Variants in NFU1 observed in about 807,000 individuals in gnomAD.
The protein encoded by NFU1 is NFU1 iron-sulfur cluster scaffold homolog, mitochondrial.
Under a neutral mutation model 32.2 loss-of-function variants are expected in NFU1, and 30 were observed. That is an observed-to-expected ratio of 0.93 (90% CI 0.70 to 1.26). NFU1 has a LOEUF of 1.26. Ranked by LOEUF, NFU1 falls within the 50% of genes most tolerant of loss-of-function variation. The pLI, the probability that NFU1 is intolerant of heterozygous loss-of-function variation, is 0.00. For synonymous variants in NFU1, 112 were observed against 104.6 expected (o/e 1.07, Z -0.43); for missense variants, 306 against 306.6 (o/e 1.00, Z 0.02).
intron 6 of NFU1, among the ~76,000 whole-genome samples, chr2:69,401,067 G>A (rs188154476): frequency 1.3e-5 from 2 of 152,210 alleles, no homozygotes; most frequent in East Asian, 3.9e-4. Flanking sequence ...GAAGGAAAAG[G>A]GAGACTGTCA....
upstream of NFU1, chr2:69,437,557 G>A (rs1673897969): frequency 9.2e-7 from 1 of 1,087,812 alleles, no homozygotes; most frequent in African/African-American, 1.6e-5. Flanking sequence ...GCGGATAAGT[G>A]CGGTGGCCTA....
intron 5 of NFU1, among the ~76,000 whole-genome samples, chr2:69,413,620 G>A (rs1201482306): frequency 2.0e-5 from 3 of 152,042 alleles, no homozygotes; most frequent in Admixed American, 6.6e-5. Context: ...CTAGCTGGGC[G>A]TGGTGGTGCA....
chr2:69,437,523 C>T, upstream of NFU1: 1 of 1,443,538 alleles, frequency 6.9e-7, no homozygotes, highest in Non-Finnish European at 9.5e-7. Context: ...AGAGCCCACC[C>T]TACCGGCTGC....
chr2:69,406,931 G>A (rs1040560199), intron 5 of NFU1, among the ~76,000 whole-genome samples: 4 of 152,070 alleles, frequency 2.6e-5, no homozygotes, highest in African/African-American at 7.2e-5. Flanking sequence ...GAGTTCTCAC[G>A]AGATCTGATC....
At chr2:69,426,033 C>T (rs967280836) in intron 2 of NFU1, among the ~76,000 whole-genome samples, 1 of 152,196 alleles carries the variant, frequency 6.6e-6, no homozygotes, top group African/African-American at 2.4e-5. Flanking sequence ...AGTGCAGTGG[C>T]ACAATCTTGG....
intron 6 of NFU1, among the ~76,000 whole-genome samples, chr2:69,404,545 A>G (rs964543512): frequency 7.3e-5 from 11 of 150,566 alleles, no homozygotes; most frequent in African/African-American, 2.4e-4. Context: ...ATTAACATAT[A>G]CTAACATATA....
intron 6 of NFU1, among the ~76,000 whole-genome samples, chr2:69,402,912 A>G (rs564381829): frequency 2.9e-4 from 42 of 145,112 alleles, no homozygotes; most frequent in African/African-American, 6.0e-4. Flanking sequence ...CCCGTTGGGG[A>G]AAAAAAAAAA....
chr2:69,429,376 C>T (rs966425624), intron 2 of NFU1, among the ~76,000 whole-genome samples: 4 of 151,770 alleles, frequency 2.6e-5, no homozygotes, highest in African/African-American at 9.7e-5. Context: ...CCAGCCTGGG[C>T]AACAGAGATC....
chr2:69,435,417 G>A (rs1462072023), intron 1 of NFU1, among the ~76,000 whole-genome samples: 1 of 152,218 alleles, frequency 6.6e-6, no homozygotes, highest in African/African-American at 2.4e-5. Flanking sequence ...AGCAACAGCG[G>A]CTGCCACATT....
At chr2:69,418,385 TGA>T (rs1211668364) in intron 4 of NFU1, among the ~76,000 whole-genome samples, 4 of 152,108 alleles carry the variant, frequency 2.6e-5, no homozygotes, top group African/African-American at 9.7e-5. Context: ...GGGTGTGGAG[TGA>T]GACTTTGTCT....
chr2:69,416,273 AATTC>A (rs1245297234), intron 4 of NFU1: 1 of 148,904 alleles, frequency 6.7e-6, no homozygotes, highest in East Asian at 1.9e-4. Context: ...CCCATTCATT[AATTC>A]ATTCACTTAT....
downstream of NFU1, chr2:69,396,014 GA>G (rs1672320276): frequency 1.3e-5 from 6 of 458,312 alleles, no homozygotes; most frequent in Admixed American, 7.7e-5. Context: ...AGAGCCATGG[GA>G]AATGAGGGAC....
At chr2:69,399,380 C>T (rs575854563) in intron 7 of NFU1, 2 of 455,746 alleles carry the variant, frequency 4.4e-6, no homozygotes, top group East Asian at 7.0e-5. Flanking sequence ...CTGTGTTATA[C>T]TCCTTAGGTA....
At chr2:69,421,882 C>A (rs1421964608) in intron 3 of NFU1, among the ~76,000 whole-genome samples, 2 of 152,062 alleles carry the variant, frequency 1.3e-5, no homozygotes, top group Non-Finnish European at 2.9e-5. Flanking sequence ...TCATCTCTAA[C>A]ATACAGTAGT....
intron 5 of NFU1, 56 bp downstream of exon 5, chr2:69,415,129 A>C (rs1175455567): frequency 1.1e-6 from 1 of 919,574 alleles, no homozygotes; most frequent in African/African-American, 1.6e-5. Flanking sequence ...AAATGTGAAG[A>C]AAATAGAAAA....
chr2:69,404,615 A>AT (rs534309730), intron 6 of NFU1, among the ~76,000 whole-genome samples: 1,702 of 72,952 alleles, frequency 0.023, 237 homozygotes, highest in African/African-American at 0.073. Context: ...ATCTTAGCAA[A>AT]TTTTTTTTTT....
intron 6 of NFU1, among the ~76,000 whole-genome samples, chr2:69,404,603 C>T (rs1672633608): frequency 1.1e-5 from 1 of 91,446 alleles, no homozygotes; most frequent in South Asian, 3.7e-4. Flanking sequence ...TTAATAACTA[C>T]TATCTTAGCA....
At chr2:69,405,988 G>C (rs760599922) in intron 6 of NFU1, 34 bp downstream of exon 6, 5 of 1,379,728 alleles carry the variant, frequency 3.6e-6, no homozygotes, top group Non-Finnish European at 5.2e-6. Flanking sequence ...TGCCTCCAAA[G>C]CACTTGAATT....
At chr2:69,402,269 T>C (rs924995768) in intron 6 of NFU1, among the ~76,000 whole-genome samples, 2 of 152,194 alleles carry the variant, frequency 1.3e-5, no homozygotes, top group Non-Finnish European at 2.9e-5. Flanking sequence ...GTACAAGTTA[T>C]TTATGTATTG....
Sources: allele counts gnomAD v4.1 joint callset (sites outside exome capture counted in the v4.1 genomes callset), GRCh38; gene constraint gnomAD v4.1.1; transcripts MANE v1.5; gene names NCBI Gene and HGNC (gene_info 2026-07-23, HGNC 2026-07-21).